MRTFA: variants seen among roughly 807,000 people sequenced by gnomAD.
MRTFA encodes the protein myocardin-related transcription factor A.
In MRTFA, 20 loss-of-function variants were observed where a neutral mutation model predicts 83.5. The observed-to-expected ratio is 0.24, with a 90% CI of 0.17 to 0.35. The LOEUF (loss-of-function observed/expected upper bound fraction) is 0.35. Among genes scored for constraint, MRTFA ranks in the 10% least tolerant of loss-of-function variants. MRTFA has a pLI of 1.00. For missense variants in MRTFA, 1,200 were observed against 1,224.7 expected, an observed-to-expected ratio of 0.98 and a Z score of 0.30; for synonymous variants, 659 against 541.2, an observed-to-expected ratio of 1.22 and a Z score of -3.02.
intron 3 of MRTFA, among the ~76,000 whole-genome samples, chr22:40,518,187 C>A (rs2054793061): frequency 6.6e-6 from 1 of 152,038 alleles, no homozygotes; most frequent in Non-Finnish European, 1.5e-5. Flanking sequence ...AGCAAATGAT[C>A]CAACCTGAGG....
At chr22:40,613,965 C>T (rs531105500) in intron 1 of MRTFA, among the ~76,000 whole-genome samples, 199 of 151,024 alleles carry the variant, frequency 1.3e-3, no homozygotes, top group African/African-American at 4.7e-3. Flanking sequence ...TTTGGGAGGC[C>T]GAGGCGGGCG....
chr22:40,601,502 C>T (rs1427654972), intron 1 of MRTFA, among the ~76,000 whole-genome samples: 2 of 152,184 alleles, frequency 1.3e-5, no homozygotes. Context: ...AGCCACCATG[C>T]CCAACTTCGA....
At chr22:40,500,352 T>TA (rs914642712) in intron 3 of MRTFA, among the ~76,000 whole-genome samples, 17 of 150,004 alleles carry the variant, frequency 1.1e-4, no homozygotes, top group Non-Finnish European at 2.1e-4. Context: ...TTTTTTATTT[T>TA]TTTTTTAACA....
intron 3 of MRTFA, among the ~76,000 whole-genome samples, chr22:40,508,322 C>A (rs919579632): frequency 6.6e-6 from 1 of 151,704 alleles, no homozygotes; most frequent in Non-Finnish European, 1.5e-5. Flanking sequence ...CCAGCCTGAC[C>A]GACATGGTGA....
At chr22:40,635,801 T>C (rs1239397602) in intron 1 of MRTFA, among the ~76,000 whole-genome samples, 1 of 152,132 alleles carries the variant, frequency 6.6e-6, no homozygotes, top group East Asian at 1.9e-4. Context: ...ATTATCCTCA[T>C]TTTTCAGACG....
At chr22:40,444,602 C>A (rs1352641605) in intron 4 of MRTFA, among the ~76,000 whole-genome samples, 1 of 152,004 alleles carries the variant, frequency 6.6e-6, no homozygotes, top group African/African-American at 2.4e-5. Flanking sequence ...CCATGGAGCC[C>A]AAAGGAAATG....
intron 3 of MRTFA, chr22:40,522,992 T>C (rs951335482): frequency 6.6e-6 from 1 of 152,150 alleles, no homozygotes; most frequent in African/African-American, 2.4e-5. Context: ...CTTAACATTC[T>C]TAGCCCCCCG....
intron 3 of MRTFA, among the ~76,000 whole-genome samples, chr22:40,481,822 A>G (rs1445738406): frequency 1.3e-5 from 2 of 152,190 alleles, no homozygotes; most frequent in East Asian, 3.9e-4. Flanking sequence ...GCACTTTGGG[A>G]GGCCAAGACA....
intron 1 of MRTFA, among the ~76,000 whole-genome samples, chr22:40,621,798 C>A (rs2056526149): frequency 6.6e-6 from 1 of 152,164 alleles, no homozygotes; most frequent in African/African-American, 2.4e-5. Context: ...ATTTTCCCTG[C>A]TGGATTTTGA....
At chr22:40,520,311 T>C (rs2054843181) in intron 3 of MRTFA, among the ~76,000 whole-genome samples, 1 of 152,238 alleles carries the variant, frequency 6.6e-6, no homozygotes, top group South Asian at 2.1e-4. Context: ...CAGCAGTCAC[T>C]CTCCATTTCC....
chr22:40,555,821 G>A (rs529053851), intron 2 of MRTFA, among the ~76,000 whole-genome samples: 7 of 151,764 alleles, frequency 4.6e-5, no homozygotes, highest in South Asian at 2.1e-4. Context: ...TGTATTTTTA[G>A]TAGAGACGGG....
intron 4 of MRTFA, among the ~76,000 whole-genome samples, chr22:40,445,085 T>G (rs2053350898): frequency 6.6e-6 from 1 of 151,992 alleles, no homozygotes; most frequent in Non-Finnish European, 1.5e-5. Flanking sequence ...AAATAAAAAT[T>G]ATCAAGAATA....
intron 3 of MRTFA, among the ~76,000 whole-genome samples, chr22:40,506,153 G>A (rs981585103): frequency 5.3e-5 from 8 of 152,114 alleles, no homozygotes; most frequent in African/African-American, 1.4e-4. Context: ...AGAATGGTGT[G>A]AACCCGGGAG....
intron 3 of MRTFA, among the ~76,000 whole-genome samples, chr22:40,478,042 C>T (rs1261643151): frequency 6.6e-6 from 1 of 151,962 alleles, no homozygotes; most frequent in Non-Finnish European, 1.5e-5. Flanking sequence ...GCTATCAATA[C>T]CAAAATAGTT....
In MRTFA at chr22:40,635,697, T is replaced by C. The variant is rs546321183; in HGVS notation, c.-84+781A>G. On this transcript the variant is annotated intron_variant, in intron 1 of 14. Transcript: ENST00000355630. The stretch of plus-strand genomic sequence containing the variant: ...CAACATCCCAAAAGCAAACATTTCT[T>C]GGGCCCTTACTATGGGCCAAGCACT... 5.3e-5 allele frequency among the ~76,000 whole-genome samples: 8 copies of C among 152,322 alleles called. No individual in the cohort carries two copies. The East Asian group carries it at 1.5e-3, about 29-fold the overall frequency.
intron 4 of MRTFA, among the ~76,000 whole-genome samples, chr22:40,437,081 A>G (rs772309582): frequency 6.6e-6 from 1 of 152,194 alleles, no homozygotes; most frequent in Non-Finnish European, 1.5e-5. Flanking sequence ...CTGAGATCCC[A>G]TCTTCTAACA....
intron 3 of MRTFA, chr22:40,526,426 G>C (rs191673277): frequency 6.6e-6 from 1 of 152,184 alleles, no homozygotes; most frequent in Non-Finnish European, 1.5e-5. Flanking sequence ...GGAATAACAA[G>C]TACAAAAGCC....
intron 2 of MRTFA, among the ~76,000 whole-genome samples, chr22:40,591,603 T>A (rs1001509778): frequency 4.6e-5 from 7 of 152,210 alleles, no homozygotes; most frequent in African/African-American, 1.7e-4. Context: ...AATGTAATAC[T>A]GGAGTGGGGT....
At chr22:40,488,512 A>T (rs2147197081) in intron 3 of MRTFA, among the ~76,000 whole-genome samples, 1 of 151,840 alleles carries the variant, frequency 6.6e-6, no homozygotes, top group South Asian at 2.1e-4. Flanking sequence ...GTGAGACTCC[A>T]TCTCTCTCTT....
Sources: gnomAD v4.1 joint callset for allele counts (sites outside exome capture counted in the v4.1 genomes callset) on GRCh38, gnomAD v4.1.1 for gene constraint, MANE v1.5 for transcripts, NCBI Gene and HGNC (gene_info 2026-07-23, HGNC 2026-07-21) for gene names.